The following RANBP2 variants were observed in gnomAD, a reference collection of about 807,000 sequenced individuals.
The protein encoded by RANBP2 is RAN binding protein 2, also known as E3 SUMO-protein ligase RanBP2.
RANBP2 carries 57 observed loss-of-function variants against 303.6 expected under a neutral mutation model. That is an observed-to-expected ratio of 0.19 (90% CI 0.15 to 0.23). The LOEUF (loss-of-function observed/expected upper bound fraction) is 0.23. Among genes scored for constraint, RANBP2 ranks in the 10% least tolerant of loss-of-function variants. The pLI is 1.00. For missense variants in RANBP2, 3,138 were observed against 3,780.8 expected (o/e 0.83, Z 4.46); for synonymous variants, 1,167 against 1,301.5 (o/e 0.90, Z 2.23).
the RANBP2 span, among the ~76,000 whole-genome samples, chr2:109,116,288 CT>C: frequency 6.6e-6 from 1 of 152,222 alleles, no homozygotes; most frequent in Non-Finnish European, 1.5e-5. Flanking sequence ...TAGATTTGGT[CT>C]TTTCACATAG....
chr2:109,629,665 G>C, the RANBP2 span, among the ~76,000 whole-genome samples: 1 of 151,726 alleles, frequency 6.6e-6, no homozygotes, highest in African/African-American at 2.4e-5. Context: ...ACAAAAATTA[G>C]CCAGGCATGG....
chr2:109,025,596 A>G, the RANBP2 span, among the ~76,000 whole-genome samples: 1 of 152,230 alleles, frequency 6.6e-6, no homozygotes, highest in East Asian at 1.9e-4. Context: ...TCACGAGGTC[A>G]GGAGATCAAG....
chr2:109,040,285 CTCCATTCTGT>C, the RANBP2 span, among the ~76,000 whole-genome samples: 5 of 152,156 alleles, frequency 3.3e-5, no homozygotes, highest in Non-Finnish European at 7.4e-5. Flanking sequence ...TTTCTGGGGT[CTCCATTCTGT>C]TCCATTGGCT....
At chr2:109,070,337 T>C in the RANBP2 span, among the ~76,000 whole-genome samples, 1 of 152,240 alleles carries the variant, frequency 6.6e-6, no homozygotes, top group Admixed American at 6.5e-5. Flanking sequence ...ATTTACCTTA[T>C]GAAAAGAGTT....
the RANBP2 span, chr2:109,615,219 A>G: frequency 6.5e-7 from 1 of 1,546,894 alleles, no homozygotes; most frequent in Non-Finnish European, 8.7e-7. Context: ...CGACTCAGAC[A>G]GCGCATCGGT....
At chr2:109,464,216 C>G in the RANBP2 span, among the ~76,000 whole-genome samples, 1 of 151,942 alleles carries the variant, frequency 6.6e-6, no homozygotes. Flanking sequence ...AAGATTCATC[C>G]TCTTGTCGGG....
chr2:109,104,424 CGA>C, the RANBP2 span, among the ~76,000 whole-genome samples: 3 of 141,912 alleles, frequency 2.1e-5, no homozygotes, highest in African/African-American at 7.8e-5. Flanking sequence ...TCTTTTTGAC[CGA>C]GAGAGGGGTC....
chr2:108,918,935 A>AT, the RANBP2 span, among the ~76,000 whole-genome samples: 4 of 152,168 alleles, frequency 2.6e-5, no homozygotes, highest in Non-Finnish European at 5.9e-5. Context: ...CCAGTGGCAG[A>AT]TTCTGAACTG....
chr2:108,773,663 G>GGC (rs1677672544), intron 23 of RANBP2, among the ~76,000 whole-genome samples: 1 of 149,816 alleles, frequency 6.7e-6, no homozygotes, highest in Non-Finnish European at 1.5e-5. Context: ...TTTTTTTTGG[G>GGC]GGGGGATGGA....
the RANBP2 span, among the ~76,000 whole-genome samples, chr2:109,489,749 G>A: frequency 8.1e-6 from 1 of 123,618 alleles, no homozygotes; most frequent in Non-Finnish European, 1.6e-5. Flanking sequence ...GCGGGGGGTG[G>A]GCGGGGGGGA....
At chr2:109,418,991 G>A in the RANBP2 span, among the ~76,000 whole-genome samples, 1 of 152,042 alleles carries the variant, frequency 6.6e-6, no homozygotes, top group Non-Finnish European at 1.5e-5. Context: ...CGTTCCTCGG[G>A]TCATCTCCTT....
chr2:108,745,762 C>G (rs1210918092), intron 7 of RANBP2, among the ~76,000 whole-genome samples: 1 of 152,046 alleles, frequency 6.6e-6, no homozygotes, highest in Non-Finnish European at 1.5e-5. Context: ...GGTGTCATAT[C>G]TACTCAAATA....
the RANBP2 span, among the ~76,000 whole-genome samples, chr2:109,004,292 G>A: frequency 3.3e-5 from 5 of 152,162 alleles, no homozygotes; most frequent in African/African-American, 1.2e-4. Flanking sequence ...CCTGAACTCA[G>A]GGAGGCTGCT....
At chr2:109,616,171 C>T in the RANBP2 span, 110 of 1,396,032 alleles carry the variant, frequency 7.9e-5, no homozygotes, top group Non-Finnish European at 9.9e-5. Context: ...ATTATGCATT[C>T]TTACTTGAGG....
the RANBP2 span, among the ~76,000 whole-genome samples, chr2:108,931,931 T>C: frequency 2.0e-5 from 3 of 152,160 alleles, no homozygotes; most frequent in African/African-American, 7.2e-5. Context: ...CTCTTCTAGA[T>C]GCTGGGTTGT....
At chr2:108,781,674 GA>G (rs1678265976) in intron 26 of RANBP2, among the ~76,000 whole-genome samples, 2 of 151,980 alleles carry the variant, frequency 1.3e-5, no homozygotes, top group African/African-American at 4.8e-5. Flanking sequence ...TATGTTTCTA[GA>G]ATATCATGTT....
the RANBP2 span, chr2:109,130,069 A>G: frequency 1.5e-6 from 2 of 1,366,250 alleles, no homozygotes; most frequent in Non-Finnish European, 1.9e-6. Flanking sequence ...CACCGCCGGC[A>G]GTCTGCGGGA....
At chr2:109,493,903 C>T in the RANBP2 span, among the ~76,000 whole-genome samples, 400 of 152,078 alleles carry the variant, frequency 2.6e-3, 1 homozygote, top group Non-Finnish European at 3.5e-3. Context: ...TCCTTCTCTC[C>T]TCCTCCTCCA....
chr2:109,128,784 C>CA, the RANBP2 span: 1 of 195,798 alleles, frequency 5.1e-6, no homozygotes, highest in Admixed American at 6.4e-5. Flanking sequence ...CTCTGAGGCT[C>CA]ACGAAAAGCC....
Sources: allele counts gnomAD v4.1 joint callset (sites outside exome capture counted in the v4.1 genomes callset), GRCh38; gene constraint gnomAD v4.1.1; transcripts MANE v1.5; gene names NCBI Gene and HGNC (gene_info 2026-07-23, HGNC 2026-07-21).